Variants in CDYL observed in about 807,000 individuals in gnomAD.
CDYL encodes the protein chromodomain Y-like protein.
In CDYL, 8 loss-of-function variants were observed where a neutral mutation model predicts 47.3. That is an observed-to-expected ratio of 0.17 (90% CI 0.10 to 0.31). The LOEUF is 0.31. Ranked by LOEUF, CDYL falls within the 10% of genes least tolerant of loss-of-function variation. The pLI, the probability that CDYL is intolerant of heterozygous loss-of-function variation, is 1.00. For missense variants in CDYL, 471 were observed against 701.4 expected, an observed-to-expected ratio of 0.67 and a Z score of 3.71; for synonymous variants, 266 against 265.0, an observed-to-expected ratio of 1.00 and a Z score of -0.04.
intron 1 of CDYL, among the ~76,000 whole-genome samples, chr6:4,799,692 G>C (rs898826883): frequency 6.6e-6 from 1 of 152,064 alleles, no homozygotes; most frequent in Non-Finnish European, 1.5e-5. Context: ...GCCTTGCTCG[G>C]CTCCCAAAGT....
At chr6:4,917,809 C>G (rs1757598788) in intron 2 of CDYL, among the ~76,000 whole-genome samples, 1 of 152,196 alleles carries the variant, frequency 6.6e-6, no homozygotes, top group Admixed American at 6.5e-5. Flanking sequence ...CCTCCTTACT[C>G]TGGGTAATTA....
chr6:4,869,148 T>C (rs1761404672), intron 1 of CDYL, among the ~76,000 whole-genome samples: 1 of 151,862 alleles, frequency 6.6e-6, no homozygotes, highest in Non-Finnish European at 1.5e-5. Flanking sequence ...CAGGCTGGAG[T>C]GCAGTGGTGC....
chr6:4,754,412 G>A (rs1282268267), intron 3 of CDYL, among the ~76,000 whole-genome samples: 1 of 152,146 alleles, frequency 6.6e-6, no homozygotes, highest in East Asian at 1.9e-4. Context: ...AGACATTGAA[G>A]GGTAAATAGG....
At chr6:4,727,515 C>T (rs1757536591) in intron 2 of CDYL, among the ~76,000 whole-genome samples, 1 of 152,112 alleles carries the variant, frequency 6.6e-6, no homozygotes, top group African/African-American at 2.4e-5. Context: ...CAAGTCCAGC[C>T]AAGTATTGAT....
intron 2 of CDYL, among the ~76,000 whole-genome samples, chr6:4,720,830 T>C (rs1757355083): frequency 6.6e-6 from 1 of 152,244 alleles, no homozygotes; most frequent in Admixed American, 6.5e-5. Flanking sequence ...GGTCGATTTT[T>C]AACCCAATTA....
intron 2 of CDYL, among the ~76,000 whole-genome samples, chr6:4,932,933 C>T (rs1357618656): frequency 6.6e-6 from 1 of 152,178 alleles, no homozygotes; most frequent in Non-Finnish European, 1.5e-5. Context: ...TTCCACTCTT[C>T]ACGCCATAGT....
chr6:4,832,477 C>T (rs1760175302), intron 1 of CDYL, among the ~76,000 whole-genome samples: 1 of 150,568 alleles, frequency 6.6e-6, no homozygotes, highest in South Asian at 2.1e-4. Flanking sequence ...ATTCGTTTTG[C>T]CAGTATTTTA....
chr6:4,939,357 C>T (rs763263004), intron 4 of CDYL, among the ~76,000 whole-genome samples: 23 of 152,096 alleles, frequency 1.5e-4, no homozygotes, highest in Non-Finnish European at 2.6e-4. Flanking sequence ...CCCAAGATGG[C>T]TCTGATGGGC....
chr6:4,783,634 C>G (rs1758677593), intron 1 of CDYL, among the ~76,000 whole-genome samples: 1 of 152,070 alleles, frequency 6.6e-6, no homozygotes, highest in Non-Finnish European at 1.5e-5. Context: ...TCAGGCTAGT[C>G]TCGAACTCCT....
At chr6:4,750,408 G>T (rs912422775) in intron 3 of CDYL, among the ~76,000 whole-genome samples, 2 of 151,804 alleles carry the variant, frequency 1.3e-5, no homozygotes, top group Admixed American at 6.6e-5. Context: ...TCACCATGTT[G>T]GCCAGCTGGT....
intron 3 of CDYL, among the ~76,000 whole-genome samples, chr6:4,761,816 A>T (rs927456291): frequency 1.7e-4 from 26 of 152,228 alleles, no homozygotes; most frequent in African/African-American, 6.0e-4. Flanking sequence ...TAGAATTGTC[A>T]TAAAGGTTAA....
chr6:4,709,110 T>A (rs9504214), intron 1 of CDYL, among the ~76,000 whole-genome samples: 12,439 of 152,170 alleles, frequency 0.082, 1,694 homozygotes, highest in African/African-American at 0.28. Flanking sequence ...CTAATCCACC[T>A]TCTCCACCAA....
intron 1 of CDYL, among the ~76,000 whole-genome samples, chr6:4,812,720 A>AT (rs893285847): frequency 5.6e-4 from 83 of 147,274 alleles, no homozygotes; most frequent in Middle Eastern, 3.5e-3. Context: ...TCTAGTAGGG[A>AT]TTTTTTTTTT....
chr6:4,752,344 T>C (rs1758009339), intron 3 of CDYL, among the ~76,000 whole-genome samples: 1 of 152,270 alleles, frequency 6.6e-6, no homozygotes, highest in African/African-American at 2.4e-5. Context: ...CTTTTATAGC[T>C]CTTTAAAGCT....
In CDYL at chr6:4,955,078, C is replaced by CA. The variant is rs1758827061; in HGVS notation, c.*1028dup. On this transcript the variant is annotated 3_prime_UTR_variant, in exon 7 of 7. Coordinates refer to ENST00000397588, the MANE Select transcript of CDYL (RefSeq NM_004824.4). ...TTAAATGCAAAAACTCCTTTCAAAA[C>CA]AAAAAAGAACTACCTTATATTCAAC... The CA allele has an allele frequency of 6.6e-6, 1 of 152,498 alleles. No homozygotes were observed. Among genetic ancestry groups the CA allele is most frequent in the East Asian group, 1.9e-4 (1 of 5,202 alleles). 9.4% of individuals were successfully genotyped at this position (152,498 alleles called of 1,614,324 possible).
At position 4,780,396 on chromosome 6, in the gene CDYL, ACGCCCCCCCCCCCCCGCCCCCGCCCC is replaced by A. The variant is rs1234867468; in HGVS notation, c.24+3596_24+3621del. 5.7e-3 allele frequency among the ~76,000 whole-genome samples: 42 copies of A among 7,390 alleles called. No homozygotes were observed. In the South Asian group the frequency reaches 0.11, roughly 20 times the overall value. 4.8% of individuals were successfully genotyped at this position (7,390 alleles called of 152,430 possible). On this transcript the variant is annotated intron_variant, in intron 1 of 6. Transcript: ENST00000397588. ...TTACAGACGTGCACCACCCCCGCCTACGCCCCCCCCCCCCCGCCCCCGCCCCCGCCCCGGCTAATGTTTTGTATTTT... is the reference window on the plus strand; with the variant it reads ...TTACAGACGTGCACCACCCCCGCCTACGCCCCGGCTAATGTTTTGTATTTT...
At position 4,954,214 on chromosome 6, in the gene CDYL, A is replaced by C. The variant is rs1758801083; in HGVS notation, c.*158A>C. ...ACATCCACGCTATTTATTATCGAGGAGTTTTAAAGTACTGTAACTTTAAAA... is the reference window on the plus strand; with the variant it reads ...ACATCCACGCTATTTATTATCGAGGCGTTTTAAAGTACTGTAACTTTAAAA... On this transcript the variant is annotated 3_prime_UTR_variant, in exon 7 of 7. Coordinates refer to ENST00000397588, the MANE Select transcript of CDYL (RefSeq NM_004824.4). The C allele has an allele frequency of 3.1e-6, 2 of 638,198 alleles. No homozygotes were observed. Among genetic ancestry groups the C allele is most frequent in the South Asian group, 3.1e-5 (1 of 32,394 alleles). The allele number at this position is 638,198 out of a possible 1,614,324, so 39.5% of individuals were successfully genotyped here.
intron 2 of CDYL, among the ~76,000 whole-genome samples, chr6:4,909,351 G>C (rs1757336496): frequency 6.6e-6 from 1 of 152,162 alleles, no homozygotes; most frequent in Admixed American, 6.5e-5. Flanking sequence ...AGTAGCTCCA[G>C]CCGAAAGCCA....
intron 1 of CDYL, among the ~76,000 whole-genome samples, chr6:4,823,779 T>C (rs1759904902): frequency 6.6e-6 from 1 of 152,202 alleles, no homozygotes; most frequent in African/African-American, 2.4e-5. Context: ...AAATGTACAA[T>C]TCCATGATAT....
Sources: allele counts gnomAD v4.1 joint callset (sites outside exome capture counted in the v4.1 genomes callset), GRCh38; gene constraint gnomAD v4.1.1; transcripts MANE v1.5; gene names NCBI Gene and HGNC (gene_info 2026-07-23, HGNC 2026-07-21).